The following IGF2 variants were observed in gnomAD, a reference collection of about 807,000 sequenced individuals.
IGF2 encodes insulin-like growth factor 2.
Under a neutral mutation model 12.0 loss-of-function variants are expected in IGF2, and 2 were observed. That is an observed-to-expected ratio of 0.17 (90% CI 0.07 to 0.52). IGF2 has a LOEUF of 0.52. Ranked by LOEUF, IGF2 falls within the 20% of genes least tolerant of loss-of-function variation. The probability of loss-of-function intolerance (pLI) is 0.95; values close to 1 mark genes in which losing one functional copy is unlikely to be tolerated. For missense variants in IGF2, 211 were observed against 268.0 expected, an observed-to-expected ratio of 0.79 and a Z score of 1.48; for synonymous variants, 105 against 110.1, an observed-to-expected ratio of 0.95 and a Z score of 0.29.
In IGF2 at chr11:2,129,836, G is replaced by A. The variant is rs1858412264; in HGVS notation, c.*3151C>T. The A allele has an allele frequency of 4.3e-6, 1 of 232,386 alleles. No individual in the cohort carries two copies. Among genetic ancestry groups the A allele is most frequent in the African/African-American group, 2.2e-5 (1 of 45,388 alleles). The allele number at this position is 232,386 out of a possible 1,614,324, so 14.4% of individuals were successfully genotyped here. On this transcript the variant is annotated 3_prime_UTR_variant, in exon 4 of 4. Coordinates refer to ENST00000416167, the MANE Select transcript of IGF2 (RefSeq NM_000612.6). This position sits in a 1 kb window ranked among gnomAD's most constrained non-coding sequence, Gnocchi z 8.1. ...GTGGGGGCGAGGTAAACCTCCCAGA[G>A]GCCGAGTCCCTGCCGCAGCCCTAGG... is the stretch of plus-strand genomic sequence containing the variant.
At chr11:2,140,935 G>A (rs773618393), upstream of IGF2, 1 of 359,122 alleles carries the variant, frequency 2.8e-6, no homozygotes, top group Non-Finnish European at 5.3e-6. Context: ...GCAGGCGGTG[G>A]ACGCTGCTGA....
chr11:2,146,197 G>A (rs758081654), upstream of IGF2: 10 of 519,360 alleles, frequency 1.9e-5, no homozygotes, highest in Middle Eastern at 3.2e-4. Context: ...CCATCCCCTC[G>A]CTCACCAGCC....
At chr11:2,140,188 C>T (rs1455196169), upstream of IGF2, 4 of 1,613,460 alleles carry the variant, frequency 2.5e-6, no homozygotes, top group African/African-American at 1.3e-5. Flanking sequence ...TTGCGGCCCA[C>T]CCAAAATATC....
intron 1 of IGF2, 40 bp downstream of exon 1, chr11:2,138,189 C>G: frequency 1.0e-6 from 1 of 982,564 alleles, no homozygotes; most frequent in Non-Finnish European, 1.2e-6. Flanking sequence ...CCCGCGCCGC[C>G]CCAGCCCCGG....
rs61745039 is a variant in IGF2 at position 2,129,457 on chromosome 11, C to G, written c.*3530G>C. On this transcript the variant is annotated 3_prime_UTR_variant, in exon 4 of 4. Coordinates refer to ENST00000416167, the MANE Select transcript of IGF2 (RefSeq NM_000612.6). The surrounding 1 kb of genome is among the most constrained non-coding windows in gnomAD (Gnocchi z 8.1). Reference sequence around the variant, plus strand: ...CAGGGGAGAGCTGCAAACCTGGGGACGCAAGGGGCTGGTCGGCAAGTGCCC... The same window carrying G: ...CAGGGGAGAGCTGCAAACCTGGGGAGGCAAGGGGCTGGTCGGCAAGTGCCC... 2 of 229,500 alleles carry G rather than the reference C, an allele frequency of 8.7e-6. No individual in the cohort carries two copies. Among genetic ancestry groups the G allele is most frequent in the African/African-American group, 4.4e-5 (2 of 45,070 alleles). 14.2% of individuals were successfully genotyped at this position (229,500 alleles called of 1,614,324 possible). A position where few individuals can be genotyped will look rare whatever the true frequency, so the allele number is the denominator to read the frequency against.
chr11:2,138,112 G>T (rs1590124766), intron 1 of IGF2, 117 bp downstream of exon 1: 1 of 579,520 alleles, frequency 1.7e-6, no homozygotes, highest in Non-Finnish European at 2.2e-6. Context: ...GGGCTCAGCC[G>T]CCCCGCCGAG....
At chr11:2,141,701 G>A (rs545959339), upstream of IGF2, among the ~76,000 whole-genome samples, 21 of 152,050 alleles carry the variant, frequency 1.4e-4, no homozygotes, top group African/African-American at 4.1e-4. Flanking sequence ...GGCAGCAGCC[G>A]GGGAAAAAAT....
At chr11:2,142,298 C>G (rs1859649812), upstream of IGF2, among the ~76,000 whole-genome samples, 1 of 151,870 alleles carries the variant, frequency 6.6e-6, no homozygotes. This position sits in a 1 kb window ranked among gnomAD's most constrained non-coding sequence, Gnocchi z 5.7. Flanking sequence ...TTTGGGGGCT[C>G]CAGGAAAATC....
the IGF2 span, chr11:2,146,367 C>G: frequency 5.8e-5 from 31 of 535,332 alleles, no homozygotes; most frequent in African/African-American, 3.1e-4. Flanking sequence ...GCGCCGCAGA[C>G]GAGGCGCTGA....
upstream of IGF2, chr11:2,139,403 C>A (rs1304278181): frequency 6.8e-6 from 1 of 148,044 alleles, no homozygotes; most frequent in African/African-American, 2.4e-5. Context: ...CTGCGGGCGC[C>A]CACGCCCGGC....
In IGF2 at chr11:2,131,734, G is replaced by A. The variant is rs972291962; in HGVS notation, c.*1253C>T. 22 of 193,012 alleles carry A rather than the reference G, an allele frequency of 1.1e-4. No individual in the cohort carries two copies. The highest frequency in any genetic ancestry group is 2.6e-4 in the Admixed American group (4 of 15,354). 12.0% of individuals were successfully genotyped at this position (193,012 alleles called of 1,614,324 possible). On this transcript the variant is annotated 3_prime_UTR_variant, in exon 4 of 4. Coordinates refer to ENST00000416167, the MANE Select transcript of IGF2 (RefSeq NM_000612.6). ...TGCTGTGTTCGTGTGTGCTGTGTTCGCGTGTGTGTGCTGTGTGTGCATGTG... is the reference window on the plus strand; with the variant it reads ...TGCTGTGTTCGTGTGTGCTGTGTTCACGTGTGTGTGCTGTGTGTGCATGTG...
the IGF2 span, chr11:2,149,084 T>C: frequency 6.3e-7 from 1 of 1,579,698 alleles, no homozygotes; most frequent in Non-Finnish European, 8.7e-7. Context: ...ACACTTAAAG[T>C]GCAGCTTTTC....
At chr11:2,148,087 C>G in the IGF2 span, 2 of 341,438 alleles carry the variant, frequency 5.9e-6, no homozygotes, top group African/African-American at 2.1e-5. This position sits in a 1 kb window ranked among gnomAD's most constrained non-coding sequence, Gnocchi z 4.3. Flanking sequence ...ACAGGCTGCC[C>G]TGTTCCTGGG....
rs1464236111 is a variant in IGF2 at position 2,131,383 on chromosome 11, G to A, written c.*1604C>T. 2 of 233,300 alleles carry A rather than the reference G, an allele frequency of 8.6e-6. No individual in the cohort carries two copies. Among genetic ancestry groups the A allele is most frequent in the Non-Finnish European group, 1.7e-5 (2 of 118,128 alleles). 14.5% of individuals were successfully genotyped at this position (233,300 alleles called of 1,614,324 possible). ...CCTGATCCATACAGATATCGTAGTT[G>A]CTTAGATATGCTTATTGTTTTCATC... On this transcript the variant is annotated 3_prime_UTR_variant, in exon 4 of 4. Transcript: ENST00000416167.
intron 1 of IGF2, among the ~76,000 whole-genome samples, chr11:2,137,603 C>G (rs549446240): frequency 6.6e-6 from 1 of 152,064 alleles, no homozygotes; most frequent in Non-Finnish European, 1.5e-5. Context: ...GCCGCGGCCT[C>G]TCTCCGGGTC....
At position 2,133,764 on chromosome 11, in the gene IGF2, G is replaced by T; in HGVS notation, c.158-99C>A. Reference sequence around the variant, plus strand: ...GCAAACCACCCCTGCCCTCAGGCCAGGCCCTGGAAGGACGCAGCCACCCTG... The same window carrying T: ...GCAAACCACCCCTGCCCTCAGGCCATGCCCTGGAAGGACGCAGCCACCCTG... On this transcript the variant is annotated intron_variant, in intron 2 of 3. Coordinates refer to ENST00000416167, the MANE Select transcript of IGF2 (RefSeq NM_000612.6). The surrounding 1 kb of genome is among the most constrained non-coding windows in gnomAD (Gnocchi z 8.9). The T allele has an allele frequency of 7.0e-7, 1 of 1,430,872 alleles. No individual in the cohort carries two copies. Among genetic ancestry groups the T allele is most frequent in the Non-Finnish European group, 9.5e-7 (1 of 1,051,782 alleles). 88.6% of individuals were successfully genotyped at this position (1,430,872 alleles called of 1,614,324 possible). A position where few individuals can be genotyped will look rare whatever the true frequency, so the allele number is the denominator to read the frequency against.
intron 2 of IGF2, among the ~76,000 whole-genome samples, chr11:2,134,748 T>G (rs1216141599): frequency 6.6e-6 from 1 of 151,958 alleles, no homozygotes; most frequent in Non-Finnish European, 1.5e-5. Flanking sequence ...CAATGGGCCA[T>G]GCACCCACCT....
At chr11:2,134,728 G>T (rs546092533) in intron 2 of IGF2, among the ~76,000 whole-genome samples, 1 of 152,070 alleles carries the variant, frequency 6.6e-6, no homozygotes, top group African/African-American at 2.4e-5. Context: ...TGGGGGTGGG[G>T]TCTCAAGGAC....
Position 2,133,685 on chromosome 11 carries a change from G to A in IGF2, c.158-20C>T. ...GCCTGCCTGGAAGTCCCACAGCACA[G>A]AGAGAGCCGTGTTAGCACCGCACTG... is the stretch of plus-strand genomic sequence containing the variant. On this transcript the variant is annotated intron_variant, in intron 2 of 3. Transcript: ENST00000416167. The surrounding 1 kb of genome is among the most constrained non-coding windows in gnomAD (Gnocchi z 8.9). 1 of 1,612,410 alleles carries A rather than the reference G, an allele frequency of 6.2e-7. No homozygotes were observed. Among genetic ancestry groups the A allele is most frequent in the Non-Finnish European group, 8.5e-7 (1 of 1,179,816 alleles).
Sources: gnomAD v4.1 joint callset for allele counts (sites outside exome capture counted in the v4.1 genomes callset) on GRCh38, gnomAD v4.1.1 for gene constraint, Gnocchi (gnomAD v3.1) non-coding constraint, MANE v1.5 for transcripts, NCBI Gene and HGNC (gene_info 2026-07-23, HGNC 2026-07-21) for gene names.